TTC39B: variants seen among roughly 807,000 people sequenced by gnomAD.
The protein encoded by TTC39B is tetratricopeptide repeat domain 39B, also known as tetratricopeptide repeat protein 39B.
Under a neutral mutation model 96.6 loss-of-function variants are expected in TTC39B, and 92 were observed. The ratio of observed to expected loss-of-function variants is 0.95; its 90% CI spans 0.80 to 1.13. The LOEUF (loss-of-function observed/expected upper bound fraction) is 1.13. Among genes scored for constraint, TTC39B ranks in the 50% most tolerant of loss-of-function variants. The pLI is 0.00. For missense variants in TTC39B, 955 were observed against 809.3 expected, an observed-to-expected ratio of 1.18 and a Z score of -2.18; for synonymous variants, 367 against 299.4, an observed-to-expected ratio of 1.23 and a Z score of -2.33.
At chr9:15,292,214 T>C (rs1257071530) in intron 1 of TTC39B, among the ~76,000 whole-genome samples, 1 of 152,094 alleles carries the variant, frequency 6.6e-6, no homozygotes, top group African/African-American at 2.4e-5. Flanking sequence ...GAATGCTAAA[T>C]ACAGACAAAA....
At chr9:15,303,999 C>T (rs1199668936) in intron 1 of TTC39B, among the ~76,000 whole-genome samples, 1 of 152,142 alleles carries the variant, frequency 6.6e-6, no homozygotes, top group Non-Finnish European at 1.5e-5. Flanking sequence ...TCAATGTTTT[C>T]CTTTTTGGCA....
chr9:15,274,787 A>T (rs1043891717), intron 1 of TTC39B, among the ~76,000 whole-genome samples: 1 of 152,198 alleles, frequency 6.6e-6, no homozygotes, highest in African/African-American at 2.4e-5. Flanking sequence ...TAATTTTTTT[A>T]GATTTTTTTA....
At chr9:15,224,609 A>G (rs1376802678) in intron 3 of TTC39B, 1 of 152,234 alleles carries the variant, frequency 6.6e-6, no homozygotes, top group East Asian at 1.9e-4. Flanking sequence ...TCATGCCCTT[A>G]TTTATTAATG....
intron 1 of TTC39B, among the ~76,000 whole-genome samples, chr9:15,276,858 A>G (rs1212967582): frequency 6.6e-6 from 1 of 152,204 alleles, no homozygotes; most frequent in African/African-American, 2.4e-5. Context: ...GACTTAAAAC[A>G]GGCTCAATAA....
intron 1 of TTC39B, among the ~76,000 whole-genome samples, chr9:15,284,468 C>A (rs1407220647): frequency 6.6e-6 from 1 of 152,032 alleles, no homozygotes; most frequent in Non-Finnish European, 1.5e-5. Flanking sequence ...AGAATTAGAC[C>A]CAAATGATCT....
At chr9:15,189,510 A>C (rs548418976) in intron 13 of TTC39B, 64 bp downstream of exon 13, 5 of 1,529,468 alleles carry the variant, frequency 3.3e-6, no homozygotes, top group African/African-American at 1.4e-5. Context: ...AGTAGGTCAC[A>C]GCGACTCATG....
rs535380335 is a variant in TTC39B at position 15,233,697 on chromosome 9, G to C, written c.276-7685C>G. On this transcript the variant is annotated intron_variant, in intron 2 of 19. Transcript: ENST00000512701. ...GGCTGGAGTGCAGTGGCGTGATCTC[G>C]GCTCGCTACAACATCCACCTCCCAG... Among the ~76,000 whole-genome samples the C allele has an allele frequency of 5.2e-3, 796 of 152,286 alleles. 10 individuals carry two copies. The highest frequency in any genetic ancestry group is 0.019 in the African/African-American group (774 of 41,548).
chr9:15,264,788 A>C (rs1391256142), intron 2 of TTC39B, among the ~76,000 whole-genome samples: 1 of 151,604 alleles, frequency 6.6e-6, no homozygotes, highest in Non-Finnish European at 1.5e-5. Context: ...ATACACAATA[A>C]AATTTATTTT....
At chr9:15,279,898 T>G (rs960466847) in intron 1 of TTC39B, among the ~76,000 whole-genome samples, 1 of 142,300 alleles carries the variant, frequency 7.0e-6, no homozygotes, top group Admixed American at 6.9e-5. Context: ...TTTTCTTTTT[T>G]TTTTTTTTTT....
At chr9:15,209,265 G>A (rs999568958) in intron 6 of TTC39B, among the ~76,000 whole-genome samples, 12 of 152,150 alleles carry the variant, frequency 7.9e-5, no homozygotes, top group African/African-American at 2.9e-4. Context: ...TGAACCTTCT[G>A]CCCTAGTCCC....
intron 1 of TTC39B, among the ~76,000 whole-genome samples, chr9:15,270,401 C>T (rs150843314): frequency 0.026 from 3,992 of 152,152 alleles, 179 homozygotes; most frequent in African/African-American, 0.092. Context: ...TGCAGACTCC[C>T]TCTGCACTTA....
intron 1 of TTC39B, 50 bp from the exon 2 acceptor site, chr9:15,267,998 T>C: frequency 6.5e-7 from 1 of 1,545,390 alleles, no homozygotes; most frequent in Middle Eastern, 1.7e-4. Flanking sequence ...CTCAATGGGT[T>C]TCTCAAGAAT....
At chr9:15,166,798 A>G (rs1030228873) in exon 20 of TTC39B, 7 of 151,322 alleles carry the variant, frequency 4.6e-5, no homozygotes, top group African/African-American at 1.5e-4. Context: ...GTATAAAACA[A>G]TGTCTATTTA....
chr9:15,273,504 C>G (rs898048532), intron 1 of TTC39B, among the ~76,000 whole-genome samples: 1 of 152,216 alleles, frequency 6.6e-6, no homozygotes, highest in African/African-American at 2.4e-5. Context: ...CTCCTCCTCA[C>G]CCTCAGCCCT....
intron 7 of TTC39B, among the ~76,000 whole-genome samples, chr9:15,200,160 A>G (rs1294267876): frequency 6.6e-6 from 1 of 152,212 alleles, no homozygotes; most frequent in Non-Finnish European, 1.5e-5. Flanking sequence ...TCCTTCGATT[A>G]TTTTATATTA....
intron 8 of TTC39B, 21 bp from the exon 9 acceptor site, chr9:15,192,716 G>C: frequency 6.4e-7 from 1 of 1,552,174 alleles, no homozygotes; most frequent in South Asian, 1.1e-5. Flanking sequence ...GAAAAAAAGT[G>C]ACAGCATAAG....
chr9:15,285,969 C>G (rs573515192), intron 1 of TTC39B, among the ~76,000 whole-genome samples: 44 of 152,320 alleles, frequency 2.9e-4, no homozygotes, highest in Middle Eastern at 3.4e-3. Context: ...ACCTCCTTTT[C>G]CCTTCCTATC....
chr9:15,235,268 A>G (rs1350153197), intron 2 of TTC39B, among the ~76,000 whole-genome samples: 2 of 152,160 alleles, frequency 1.3e-5, no homozygotes, highest in African/African-American at 4.8e-5. Flanking sequence ...AATAAAGAAA[A>G]AAGAATTTTT....
In TTC39B at chr9:15,307,203, G is replaced by C. The variant is rs1824782703; in HGVS notation, c.121C>G (p.Leu41Val). ...ACTCCTGCTCTCGGCTCTGGGCTCAGCCCAGCGCAAAGGAGGGCAAAAGGG... is the reference window on the plus strand; with the variant it reads ...ACTCCTGCTCTCGGCTCTGGGCTCACCCCAGCGCAAAGGAGGGCAAAAGGG... The change falls in exon 1 of 20, where the codon CTG (leucine) becomes GTG (valine). Residue 41 changes from leucine (L) to valine (V), a missense_variant. Physicochemically the swap from Leu to Val is conservative, Grantham distance 32. Coordinates refer to ENST00000512701, the Ensembl canonical transcript of TTC39B. 2 of 1,566,076 alleles carry C rather than the reference G, an allele frequency of 1.3e-6. No homozygotes were observed. The highest frequency in any genetic ancestry group is 1.4e-5 in the African/African-American group (1 of 73,728).
Sources: allele counts gnomAD v4.1 joint callset (sites outside exome capture counted in the v4.1 genomes callset), GRCh38; gene constraint gnomAD v4.1.1; transcripts MANE v1.5; gene names NCBI Gene and HGNC (gene_info 2026-07-23, HGNC 2026-07-21).